The following STK32B variants were observed in gnomAD, a reference collection of about 807,000 sequenced individuals.
STK32B encodes the protein serine/threonine kinase 32B.
Under a neutral mutation model 52.6 loss-of-function variants are expected in STK32B, and 43 were observed. That is an observed-to-expected ratio of 0.82 (90% CI 0.64 to 1.05). STK32B has a LOEUF of 1.05. Among genes scored for constraint, STK32B ranks in the 50% least tolerant of loss-of-function variants. The pLI is 0.00. For synonymous variants in STK32B, 238 were observed against 204.3 expected (o/e 1.17, Z -1.41); for missense variants, 621 against 534.6 (o/e 1.16, Z -1.59).
intron 1 of STK32B, among the ~76,000 whole-genome samples, chr4:5,123,872 TCTC>T (rs1367177723): frequency 6.8e-6 from 1 of 147,604 alleles, no homozygotes; most frequent in Non-Finnish European, 1.5e-5. Flanking sequence ...CCATCATCAA[TCTC>T]CTCATCCTCA....
At chr4:5,309,457 G>T (rs1253666450) in intron 3 of STK32B, among the ~76,000 whole-genome samples, 1 of 152,166 alleles carries the variant, frequency 6.6e-6, no homozygotes, top group African/African-American at 2.4e-5. Context: ...GAACAAGGTT[G>T]GAGGTATCAC....
chr4:5,239,361 A>G (rs1322678476), intron 3 of STK32B, among the ~76,000 whole-genome samples: 1 of 152,046 alleles, frequency 6.6e-6, no homozygotes, highest in Non-Finnish European at 1.5e-5. Context: ...AGTCAATAGA[A>G]TTGGAGGCAG....
intron 3 of STK32B, among the ~76,000 whole-genome samples, chr4:5,212,491 G>A (rs548459798): frequency 3.9e-5 from 6 of 152,192 alleles, no homozygotes; most frequent in Non-Finnish European, 5.9e-5. Context: ...TACGAAAACC[G>A]GAGATAAACC....
intron 1 of STK32B, among the ~76,000 whole-genome samples, chr4:5,134,391 C>G (rs76366344): frequency 6.6e-6 from 1 of 152,132 alleles, no homozygotes; most frequent in Non-Finnish European, 1.5e-5. Flanking sequence ...GCAAGCTTAG[C>G]CCCCTCTTGC....
At chr4:5,127,229 T>C (rs954317447) in intron 1 of STK32B, 2 of 454,658 alleles carry the variant, frequency 4.4e-6, no homozygotes, top group Admixed American at 4.7e-5. Context: ...TCCCAGAAAA[T>C]TTAAATGTCC....
Position 5,498,136 on chromosome 4 carries a change from G to C in STK32B, c.1107-809G>C, listed in dbSNP as rs549580050. Among the ~76,000 whole-genome samples, 10 of 152,314 alleles carry C rather than the reference G, an allele frequency of 6.6e-5. No homozygotes were observed. In the South Asian group the frequency reaches 1.9e-3, roughly 28 times the overall value. On this transcript the variant is annotated intron_variant, in intron 11 of 11. Coordinates refer to ENST00000282908, the MANE Select transcript of STK32B (RefSeq NM_018401.3). ...TAGACAGTGTTGAGAGCCAGGATGT[G>C]AGTTGAGTTCTTCCCTGCTCTAAAA...
Position 5,466,943 on chromosome 4 carries a change from A to T in STK32B, c.1041+109A>T, listed in dbSNP as rs949441634. The T allele has an allele frequency of 2.9e-6, 4 of 1,398,716 alleles. No homozygotes were observed. The East Asian group carries it at 9.9e-5, about 35-fold the overall frequency. 86.6% of individuals were successfully genotyped at this position (1,398,716 alleles called of 1,614,324 possible). A position where few individuals can be genotyped will look rare whatever the true frequency, so the allele number is the denominator to read the frequency against. On this transcript the variant is annotated intron_variant, in intron 10 of 11. Transcript: ENST00000282908. Reference sequence around the variant, plus strand: ...AGGGGACATTTCAATCCTCCCTTCCAATTTCCTTATTTTGCAGTAAATAAA... The same window carrying T: ...AGGGGACATTTCAATCCTCCCTTCCTATTTCCTTATTTTGCAGTAAATAAA...
intron 9 of STK32B, among the ~76,000 whole-genome samples, chr4:5,465,057 A>G (rs1409829734): frequency 5.9e-5 from 9 of 152,164 alleles, no homozygotes; most frequent in Admixed American, 1.3e-4. Flanking sequence ...GGGAGAGGCC[A>G]TTGGTACCGC....
chr4:5,401,960 T>C (rs951554903), intron 5 of STK32B, among the ~76,000 whole-genome samples: 2 of 152,224 alleles, frequency 1.3e-5, no homozygotes, highest in Non-Finnish European at 2.9e-5. Flanking sequence ...CTCCAATGTC[T>C]GAGGCTCAAC....
chr4:5,398,334 G>C lies in STK32B; in HGVS notation c.472+90G>C. On this transcript the variant is annotated intron_variant, in intron 5 of 11. Transcript: ENST00000282908. The surrounding 1 kb of genome is among the most constrained non-coding windows in gnomAD (Gnocchi z 4.9). ...GCGGGGGTGGGGGTTGGGTCTTGCT[G>C]AGTTGGACATTAGCATTGGCTAGAA... 1.4e-6 allele frequency: 2 copies of C among 1,381,750 alleles called. No individual in the cohort carries two copies. Among genetic ancestry groups the C allele is most frequent in the Non-Finnish European group, 2.0e-6 (2 of 982,666 alleles). The allele number at this position is 1,381,750 out of a possible 1,614,324, so 85.6% of individuals were successfully genotyped here. A position where few individuals can be genotyped will look rare whatever the true frequency, so the allele number is the denominator to read the frequency against.
intron 11 of STK32B, among the ~76,000 whole-genome samples, chr4:5,478,946 C>A (rs533982032): frequency 6.6e-6 from 1 of 152,090 alleles, no homozygotes; most frequent in South Asian, 2.1e-4. Flanking sequence ...CAGCTGGCAG[C>A]CCACAGGCAT....
chr4:5,318,570 T>C (rs781578321), intron 3 of STK32B, among the ~76,000 whole-genome samples: 1 of 152,084 alleles, frequency 6.6e-6, no homozygotes, highest in Non-Finnish European at 1.5e-5. Flanking sequence ...ATTCCAGATA[T>C]ATTGGGACAT....
chr4:5,164,527 C>G (rs1307145009), intron 2 of STK32B, among the ~76,000 whole-genome samples: 1 of 152,224 alleles, frequency 6.6e-6, no homozygotes, highest in Non-Finnish European at 1.5e-5. Context: ...ATGCCGCAGA[C>G]TGGGTGTCTA....
chr4:5,240,260 A>C (rs897846700), intron 3 of STK32B, among the ~76,000 whole-genome samples: 3 of 151,874 alleles, frequency 2.0e-5, no homozygotes, highest in Admixed American at 2.0e-4. Context: ...TGTTAAACCA[A>C]TTGATGTTTT....
intron 5 of STK32B, among the ~76,000 whole-genome samples, chr4:5,406,860 T>TC (rs1560386987): frequency 6.6e-6 from 1 of 152,154 alleles, no homozygotes; most frequent in African/African-American, 2.4e-5. Flanking sequence ...TGAGGCATTT[T>TC]CCCCATTGTC....
chr4:5,435,315 C>T (rs1577492207), intron 6 of STK32B, among the ~76,000 whole-genome samples: 3 of 152,286 alleles, frequency 2.0e-5, no homozygotes, highest in Admixed American at 2.0e-4. Flanking sequence ...ATAACCACAG[C>T]CTACCACGAT....
intron 4 of STK32B, among the ~76,000 whole-genome samples, chr4:5,347,329 A>G (rs752860522): frequency 3.3e-5 from 5 of 152,176 alleles, no homozygotes; most frequent in Non-Finnish European, 5.9e-5. Flanking sequence ...TATTTTCTAT[A>G]AATAAAAATA....
chr4:5,444,112 G>T (rs1715098749), intron 6 of STK32B, among the ~76,000 whole-genome samples: 1 of 152,208 alleles, frequency 6.6e-6, no homozygotes. Flanking sequence ...GCCTCCTTGA[G>T]CTGTGGTGGG....
intron 3 of STK32B, among the ~76,000 whole-genome samples, chr4:5,291,857 C>T (rs957144732): frequency 1.3e-5 from 2 of 151,930 alleles, no homozygotes; most frequent in Non-Finnish European, 2.9e-5. Flanking sequence ...CTTTCTGTCT[C>T]TTTTTTTGTT....
Sources: gnomAD v4.1 joint callset for allele counts (sites outside exome capture counted in the v4.1 genomes callset) on GRCh38, gnomAD v4.1.1 for gene constraint, Gnocchi (gnomAD v3.1) non-coding constraint, MANE v1.5 for transcripts, NCBI Gene and HGNC (gene_info 2026-07-23, HGNC 2026-07-21) for gene names.